PCDHA1: variants seen among roughly 807,000 people sequenced by gnomAD.
PCDHA1 encodes protocadherin alpha-1.
In PCDHA1, 42 loss-of-function variants were observed where a neutral mutation model predicts 61.3. The ratio of observed to expected loss-of-function variants is 0.69; its 90% CI spans 0.54 to 0.89. PCDHA1 has a LOEUF of 0.89. Ranked by LOEUF, PCDHA1 falls within the 40% of genes least tolerant of loss-of-function variation. The pLI, the probability that PCDHA1 is intolerant of heterozygous loss-of-function variation, is 0.00. For synonymous variants in PCDHA1, 610 were observed against 553.8 expected (o/e 1.10, Z -1.43); for missense variants, 1,256 against 1,235.3 (o/e 1.02, Z -0.25).
At chr5:140,833,468 A>G (rs1554133857) in intron 1 of PCDHA1, among the ~76,000 whole-genome samples, 1 of 152,220 alleles carries the variant, frequency 6.6e-6, no homozygotes, top group African/African-American at 2.4e-5. Context: ...CTTACATTTT[A>G]AAAGAAATAA....
At chr5:140,828,290 G>C (rs1554131172) in intron 1 of PCDHA1, 2 of 1,614,002 alleles carry the variant, frequency 1.2e-6, no homozygotes, top group African/African-American at 1.3e-5. Context: ...GTTCAGGATG[G>C]CCTCCAAAGA....
At chr5:140,852,191 G>A in intron 1 of PCDHA1, 1 of 725,566 alleles carries the variant, frequency 1.4e-6, no homozygotes, top group Non-Finnish European at 1.7e-6. Context: ...GAAAATGCCA[G>A]TAACGTTTAT....
In PCDHA1 at chr5:141,010,033, G is replaced by A. The variant is rs2098415819; in HGVS notation, c.*96G>A. 1.9e-6 allele frequency: 3 copies of A among 1,581,924 alleles called. No homozygotes were observed. The South Asian group carries it at 3.6e-5, about 19-fold the overall frequency. ...CCCTGCTCCTTTTTCCTATCTACAT[G>A]AGCCCTCTTAGAGACCTCAGAAATC... On this transcript the variant is annotated 3_prime_UTR_variant, in exon 4 of 4. Transcript: ENST00000504120.
intron 1 of PCDHA1, chr5:140,807,967 G>C: frequency 6.2e-7 from 1 of 1,612,546 alleles, no homozygotes. Flanking sequence ...ATGGAACATT[G>C]GTAATTAAAC....
chr5:140,862,895 T>A, intron 1 of PCDHA1: 1 of 553,854 alleles, frequency 1.8e-6, no homozygotes, highest in South Asian at 1.4e-5. Context: ...ACGACAACTT[T>A]GTCTGCGCTG....
intron 1 of PCDHA1, among the ~76,000 whole-genome samples, chr5:140,789,101 G>T (rs1010516099): frequency 6.6e-6 from 1 of 152,178 alleles, no homozygotes; most frequent in Non-Finnish European, 1.5e-5. Context: ...TTCCCTTTAC[G>T]TGGCTAAGTT....
chr5:140,890,259 T>C (rs1303485467), intron 1 of PCDHA1, among the ~76,000 whole-genome samples: 2 of 152,140 alleles, frequency 1.3e-5, no homozygotes, highest in Admixed American at 6.6e-5. Flanking sequence ...CTGCACCTGA[T>C]TGCAAGCAAG....
At chr5:140,809,628 C>CT in intron 1 of PCDHA1, 1 of 1,506,716 alleles carries the variant, frequency 6.6e-7, no homozygotes, top group South Asian at 1.4e-5. Context: ...CTATCAACTT[C>CT]TTCGTAAATT....
At chr5:140,844,047 C>T (rs2150368498) in intron 1 of PCDHA1, among the ~76,000 whole-genome samples, 3 of 149,604 alleles carry the variant, frequency 2.0e-5, no homozygotes, top group East Asian at 1.9e-4. Context: ...TGAAAGTATT[C>T]CCCCAAAGCG....
At chr5:140,944,241 G>A (rs2093630107) in intron 1 of PCDHA1, among the ~76,000 whole-genome samples, 1 of 152,196 alleles carries the variant, frequency 6.6e-6, no homozygotes, top group African/African-American at 2.4e-5. Context: ...AGGCTGGAGT[G>A]CAGTGATGTG....
At chr5:140,921,091 C>G (rs893367475) in intron 1 of PCDHA1, among the ~76,000 whole-genome samples, 1 of 152,022 alleles carries the variant, frequency 6.6e-6, no homozygotes, top group Admixed American at 6.5e-5. Flanking sequence ...GAGAATCCTC[C>G]TGCCTCAGTC....
At position 140,836,827 on chromosome 5, in the gene PCDHA1, G is replaced by T; in HGVS notation, c.2394+48143G>T. The T allele has an allele frequency of 4.1e-6, 4 of 968,068 alleles. No individual in the cohort carries two copies. In the South Asian group the frequency reaches 7.2e-5, roughly 17 times the overall value. 60.0% of individuals were successfully genotyped at this position (968,068 alleles called of 1,614,324 possible). A position where few individuals can be genotyped will look rare whatever the true frequency, so the allele number is the denominator to read the frequency against. On this transcript the variant is annotated intron_variant, in intron 1 of 3. Transcript: ENST00000504120. ...ATTTTCTTTCATAATTTCTTTTTTA[G>T]TTGATAGCTTTATGTATAATTATTA...
rs1761412432 is a variant in PCDHA1, at chr5:140,787,914, G to T, written c.1624G>T (p.Val542Leu). 1 of 1,613,680 alleles carries T rather than the reference G, an allele frequency of 6.2e-7. No homozygotes were observed. The highest frequency in any genetic ancestry group is 2.2e-5 in the East Asian group (1 of 44,872). ...CCAGGTGAGCGCGCGGGATGCGGGC[G>T]TGCCGCCTCTGGGCAGCAACGTGAC... ...QFQVSARDAG[V>L]PPLGSNVTLQ... The change falls in exon 1 of 4, where the codon GTG becomes TTG. Residue 542 changes from valine (V) to leucine (L), a missense_variant. Transcript: ENST00000504120.
rs147906609 is a variant in PCDHA1 at position 140,848,609 on chromosome 5, A to G, written c.2394+59925A>G. The G allele has an allele frequency of 2.9e-3, 4,585 of 1,584,560 alleles. 516 individuals carry two copies. Among genetic ancestry groups the G allele is most frequent in the Middle Eastern group, 0.01 (58 of 5,734 alleles). On this transcript the variant is annotated intron_variant, in intron 1 of 3. Coordinates refer to ENST00000504120, the MANE Select transcript of PCDHA1 (RefSeq NM_018900.4). ...AGCTCCACTACTCCGTCCCGGAGGAAGCCGAACACGGCACCTTCGTGGGCC... is the reference window on the plus strand; with the variant it reads ...AGCTCCACTACTCCGTCCCGGAGGAGGCCGAACACGGCACCTTCGTGGGCC...
intron 1 of PCDHA1, chr5:140,802,989 G>A: frequency 6.2e-7 from 1 of 1,614,030 alleles, no homozygotes; most frequent in East Asian, 2.2e-5. Context: ...GCGCGCAGTG[G>A]ATGCAGACTC....
intron 1 of PCDHA1, chr5:140,795,529 A>G (rs1191999801): frequency 1.2e-6 from 2 of 1,614,078 alleles, no homozygotes; most frequent in Admixed American, 3.3e-5. Flanking sequence ...TGATGAACTA[A>G]GCGAATCTTT....
chr5:140,872,424 C>T (rs534204647), intron 1 of PCDHA1, among the ~76,000 whole-genome samples: 4 of 152,028 alleles, frequency 2.6e-5, no homozygotes, highest in South Asian at 2.1e-4. Context: ...CCCAAGAGTT[C>T]GAGGCCTGCC....
rs182357788 is a variant in PCDHA1, at chr5:140,944,436, C to T, written c.2395-34513C>T. Among the ~76,000 whole-genome samples, 220 of 152,278 alleles carry T rather than the reference C, an allele frequency of 1.4e-3. 1 individual carries two copies. Among genetic ancestry groups the T allele is most frequent in the African/African-American group, 4.9e-3 (204 of 41,560 alleles). The stretch of plus-strand genomic sequence containing the variant: ...TCCTGATCTGAAGTGGTCTGCCTGC[C>T]TCGGCCTCCCAAAGTGCTGGGATTA... On this transcript the variant is annotated intron_variant, in intron 1 of 3. Coordinates refer to ENST00000504120, the MANE Select transcript of PCDHA1 (RefSeq NM_018900.4).
At chr5:140,821,419 A>T (rs189071646) in intron 1 of PCDHA1, 32 of 183,592 alleles carry the variant, frequency 1.7e-4, no homozygotes, top group Non-Finnish European at 3.1e-4. Context: ...GAGTTTAATG[A>T]TATATTTTGA....
Sources: allele counts gnomAD v4.1 joint callset (sites outside exome capture counted in the v4.1 genomes callset), GRCh38; gene constraint gnomAD v4.1.1; transcripts MANE v1.5; gene names NCBI Gene and HGNC (gene_info 2026-07-23, HGNC 2026-07-21).